Variants in CDH12 observed in about 807,000 individuals in gnomAD.
CDH12 encodes cadherin-12.
CDH12 carries 41 observed loss-of-function variants against 74.1 expected under a neutral mutation model. The ratio of observed to expected loss-of-function variants is 0.55; its 90% CI spans 0.43 to 0.72. CDH12 has a LOEUF of 0.72. Among genes scored for constraint, CDH12 ranks in the 30% least tolerant of loss-of-function variants. The probability of loss-of-function intolerance (pLI) is 0.00; values close to 1 mark genes in which losing one functional copy is unlikely to be tolerated. For synonymous variants in CDH12, 399 were observed against 355.0 expected, an observed-to-expected ratio of 1.12 and a Z score of -1.39; for missense variants, 945 against 977.2, an observed-to-expected ratio of 0.97 and a Z score of 0.44.
At chr5:22,605,457 C>A (rs1737064135) in intron 1 of CDH12, among the ~76,000 whole-genome samples, 1 of 152,202 alleles carries the variant, frequency 6.6e-6, no homozygotes, top group African/African-American at 2.4e-5. Flanking sequence ...AGCACAACCT[C>A]ACTCCCTGCC....
chr5:22,814,302 C>G (rs1749286138), intron 1 of CDH12, among the ~76,000 whole-genome samples: 1 of 152,070 alleles, frequency 6.6e-6, no homozygotes, highest in African/African-American at 2.4e-5. Context: ...ATTTAAATGT[C>G]TTGCCTGCCT....
chr5:22,045,586 T>C (rs1289668867), intron 5 of CDH12, among the ~76,000 whole-genome samples: 3 of 141,016 alleles, frequency 2.1e-5, no homozygotes, highest in Non-Finnish European at 4.5e-5. Context: ...TATACAAAAA[T>C]GGTACACTAT....
chr5:22,174,900 G>A (rs1205832431), intron 4 of CDH12, among the ~76,000 whole-genome samples: 1 of 151,874 alleles, frequency 6.6e-6, no homozygotes, highest in Non-Finnish European at 1.5e-5. Context: ...AAGAAATTTT[G>A]CTGTGCCAGG....
In CDH12 at chr5:22,133,671, T is replaced by A. The variant is rs192102382; in HGVS notation, c.-186-54809A>T. On this transcript the variant is annotated intron_variant, in intron 4 of 14. Transcript: ENST00000382254. ...GAATGTATTTACAAGTCATCCTGCA[T>A]GTAAAAGAAGCAATTTCATGTGGAT... 1.3e-3 allele frequency among the ~76,000 whole-genome samples: 193 copies of A among 152,226 alleles called. 1 individual carries two copies. Among genetic ancestry groups the A allele is most frequent in the African/African-American group, 4.3e-3 (180 of 41,552 alleles).
intron 2 of CDH12, among the ~76,000 whole-genome samples, chr5:22,427,333 A>G (rs1415045201): frequency 6.6e-6 from 1 of 151,900 alleles, no homozygotes; most frequent in African/African-American, 2.4e-5. Context: ...ACGCCCGGCT[A>G]ATTTTTATAT....
intron 4 of CDH12, chr5:22,141,442 G>A (rs1746786273): frequency 6.6e-6 from 1 of 152,172 alleles, no homozygotes; most frequent in Non-Finnish European, 1.5e-5. Context: ...TAGGAGAGAA[G>A]AGCATCCTTA....
chr5:22,480,452 T>C (rs1239073982), intron 2 of CDH12, among the ~76,000 whole-genome samples: 6 of 151,630 alleles, frequency 4.0e-5, no homozygotes, highest in Admixed American at 3.9e-4. Context: ...GACATGGTGG[T>C]GCATGCCTGT....
intron 1 of CDH12, among the ~76,000 whole-genome samples, chr5:22,749,271 C>T (rs1362302384): frequency 1.3e-5 from 2 of 152,174 alleles, no homozygotes; most frequent in Non-Finnish European, 2.9e-5. Flanking sequence ...CTGTCTGAAG[C>T]GCAGGTGAGA....
chr5:22,341,899 G>A (rs1190810605), intron 3 of CDH12, among the ~76,000 whole-genome samples: 1 of 151,962 alleles, frequency 6.6e-6, no homozygotes, highest in Non-Finnish European at 1.5e-5. Context: ...GCAAAAGATG[G>A]AGAGAGTGTC....
At chr5:21,764,880 A>C in intron 12 of CDH12, 98 bp downstream of exon 12, 1 of 1,160,386 alleles carries the variant, frequency 8.6e-7, no homozygotes, top group Non-Finnish European at 1.3e-6. Flanking sequence ...TGATTCAGAA[A>C]AACAAATATA....
intron 3 of CDH12, among the ~76,000 whole-genome samples, chr5:22,382,839 TTA>T (rs1459579340): frequency 7.9e-5 from 12 of 152,072 alleles, no homozygotes; most frequent in South Asian, 4.1e-4. Context: ...ATTATTATTA[TTA>T]TTTTTTGAGA....
At chr5:22,580,617 C>G (rs1008857537) in intron 1 of CDH12, 31 of 485,240 alleles carry the variant, frequency 6.4e-5, no homozygotes, top group Non-Finnish European at 1.1e-4. Context: ...GAAGTACATA[C>G]CCCACATACT....
intron 5 of CDH12, among the ~76,000 whole-genome samples, chr5:22,073,517 G>C (rs1159979476): frequency 6.6e-6 from 1 of 152,084 alleles, no homozygotes; most frequent in African/African-American, 2.4e-5. Flanking sequence ...TTTGCTTGTG[G>C]TTAGTTTGAG....
chr5:21,990,117 G>C (rs147898140), intron 5 of CDH12, among the ~76,000 whole-genome samples: 2,429 of 152,062 alleles, frequency 0.016, 63 homozygotes, highest in African/African-American at 0.056. Flanking sequence ...CTTTTCACAG[G>C]GATATGAAAT....
chr5:22,555,131 C>G (rs890251766), intron 1 of CDH12, among the ~76,000 whole-genome samples: 1 of 152,022 alleles, frequency 6.6e-6, no homozygotes, highest in Non-Finnish European at 1.5e-5. Context: ...CATTTTCCTT[C>G]CCAACCATCC....
intron 7 of CDH12, 70 bp downstream of exon 7, chr5:21,854,601 T>C: frequency 7.6e-7 from 1 of 1,319,058 alleles, no homozygotes; most frequent in Non-Finnish European, 1.1e-6. Flanking sequence ...CAACTCCCCA[T>C]GCCAAGATTT....
intron 1 of CDH12, among the ~76,000 whole-genome samples, chr5:22,600,276 T>G (rs1736794929): frequency 6.6e-6 from 1 of 152,160 alleles, no homozygotes; most frequent in Non-Finnish European, 1.5e-5. Flanking sequence ...AGTTTTGATG[T>G]TGCTGTTACA....
chr5:21,906,446 T>G (rs1753645073), intron 6 of CDH12, among the ~76,000 whole-genome samples: 1 of 152,194 alleles, frequency 6.6e-6, no homozygotes, highest in Middle Eastern at 3.2e-3. Flanking sequence ...TCTAGACAAC[T>G]CCGAAATTCC....
At chr5:21,976,913 TA>T (rs1757094653) in intron 5 of CDH12, among the ~76,000 whole-genome samples, 1 of 152,068 alleles carries the variant, frequency 6.6e-6, no homozygotes, top group Non-Finnish European at 1.5e-5. Context: ...TATGAGTAAT[TA>T]AAAGCACAAA....
Sources: allele counts gnomAD v4.1 joint callset (sites outside exome capture counted in the v4.1 genomes callset), GRCh38; gene constraint gnomAD v4.1.1; transcripts MANE v1.5; gene names NCBI Gene and HGNC (gene_info 2026-07-23, HGNC 2026-07-21).